The following ANK2 variants were observed in gnomAD, a reference collection of about 807,000 sequenced individuals.
ANK2 encodes ankyrin-2.
In ANK2, 83 loss-of-function variants were observed where a neutral mutation model predicts 360.5. The ratio of observed to expected loss-of-function variants is 0.23; its 90% CI spans 0.19 to 0.28. ANK2 has a LOEUF of 0.28. ANK2 is among the 10% of genes least tolerant of loss of function. The pLI, the probability that ANK2 is intolerant of heterozygous loss-of-function variation, is 1.00. For synonymous variants in ANK2, 1,740 were observed against 1,759.5 expected (o/e 0.99, Z 0.28); for missense variants, 4,201 against 4,795.7 (o/e 0.88, Z 3.66).
chr4:113,204,598 C>T (rs1266172086), intron 4 of ANK2, among the ~76,000 whole-genome samples: 1 of 152,094 alleles, frequency 6.6e-6, no homozygotes, highest in African/African-American at 2.4e-5. Context: ...TCATTTTGGA[C>T]ATGGAAAAAT....
intron 39 of ANK2, among the ~76,000 whole-genome samples, chr4:113,361,961 C>T (rs2096252483): frequency 6.6e-6 from 1 of 152,154 alleles, no homozygotes; most frequent in Non-Finnish European, 1.5e-5. Flanking sequence ...CTCACACCTA[C>T]TTCTATCTTC....
the ANK2 span, among the ~76,000 whole-genome samples, chr4:112,741,597 G>A: frequency 2.6e-5 from 4 of 152,110 alleles, no homozygotes; most frequent in Non-Finnish European, 5.9e-5. Flanking sequence ...ATTTTGTTTT[G>A]GGTATAACTA....
At chr4:113,201,297 AC>A (rs1562844021) in intron 4 of ANK2, among the ~76,000 whole-genome samples, 1 of 151,992 alleles carries the variant, frequency 6.6e-6, no homozygotes, top group African/African-American at 2.4e-5. Context: ...GCTTGTTGAA[AC>A]CCATGTTTCT....
At chr4:113,000,397 CT>C (rs1291266149) in intron 2 of ANK2, among the ~76,000 whole-genome samples, 1 of 152,190 alleles carries the variant, frequency 6.6e-6, no homozygotes, top group Non-Finnish European at 1.5e-5. Context: ...GCAGAGAACT[CT>C]TCCTGCATCT....
chr4:113,155,897 A>G (rs1283510670), intron 1 of ANK2, among the ~76,000 whole-genome samples: 1 of 152,058 alleles, frequency 6.6e-6, no homozygotes, highest in Non-Finnish European at 1.5e-5. Context: ...GGCAAATGAA[A>G]ACCACAATGA....
At chr4:113,151,113 A>C in intron 1 of ANK2, 1 of 1,289,174 alleles carries the variant, frequency 7.8e-7, no homozygotes, top group South Asian at 1.2e-5. Flanking sequence ...AGAGGCCGCC[A>C]ACATTGAAAA....
the ANK2 span, among the ~76,000 whole-genome samples, chr4:112,785,058 T>G: frequency 6.6e-6 from 1 of 152,150 alleles, no homozygotes; most frequent in African/African-American, 2.4e-5. Context: ...TTATAATATA[T>G]TATAGCAAGT....
At position 113,199,102 on chromosome 4, in the gene ANK2, A is replaced by G. The variant is rs770384149; in HGVS notation, c.377A>G (p.Gln126Arg). ...LVKEGANINA[Q>R]SQNGFTPLYM... ...AAGGAAGGAGCCAATATTAATGCAC[A>G]GTCTCAGGTATTCCATTCAGATTTT... is the stretch of plus-strand genomic sequence containing the variant. Residue 126 changes from glutamine to arginine, a missense_variant, in exon 4 of 46, where the codon CAG becomes CGG. This residue lies in a region of ANK2 where 169 missense variants were observed against 191.1 expected (regional missense o/e 0.88). Coordinates refer to ENST00000357077, the MANE Select transcript of ANK2 (RefSeq NM_001148.6). 1 of 1,607,244 alleles carries G rather than the reference A, an allele frequency of 6.2e-7. No individual in the cohort carries two copies. The highest frequency in any genetic ancestry group is 1.1e-5 in the South Asian group (1 of 90,940).
At chr4:112,747,286 A>G in the ANK2 span, among the ~76,000 whole-genome samples, 209 of 152,354 alleles carry the variant, frequency 1.4e-3, 4 homozygotes, top group East Asian at 0.039. Context: ...ACTAATAAGG[A>G]ACAAACACAT....
intron 24 of ANK2, among the ~76,000 whole-genome samples, chr4:113,312,899 C>T (rs528358838): frequency 6.6e-6 from 1 of 152,244 alleles, no homozygotes; most frequent in Non-Finnish European, 1.5e-5. Context: ...AGCAATTGTT[C>T]GTGTATTAAC....
At chr4:112,989,514 C>T (rs1317085611) in intron 2 of ANK2, among the ~76,000 whole-genome samples, 1 of 152,198 alleles carries the variant, frequency 6.6e-6, no homozygotes, top group Non-Finnish European at 1.5e-5. Context: ...GTGCCTCTGA[C>T]AGGTGCAGCA....
rs59333075 is a variant in ANK2, at chr4:113,002,025, T to TATTA, written c.21+97511_21+97512insATTA. ...TCTTTTATTTATTTATTTATTTATT[T>TATTA]TTATTATTATTATTTTACTTTAAGT... On this transcript the variant is annotated intron_variant, in intron 2 of 30. Coordinates refer to the ANK2 transcript ENST00000503271. 4.8e-5 allele frequency among the ~76,000 whole-genome samples: 7 copies of TATTA among 146,462 alleles called. No individual in the cohort carries two copies. The East Asian group carries it at 1.1e-3, about 22-fold the overall frequency.
At position 113,249,644 on chromosome 4, in the gene ANK2, ATTAC is replaced by A. The variant is rs565269487; in HGVS notation, c.892-116_892-113del. 1,890 of 894,304 alleles carry A rather than the reference ATTAC, an allele frequency of 2.1e-3. 6 individuals are homozygous for A. The highest frequency in any genetic ancestry group is 0.011 in the Middle Eastern group (47 of 4,372). The allele number at this position is 894,304 out of a possible 1,614,324, so 55.4% of individuals were successfully genotyped here. On this transcript the variant is annotated intron_variant, in intron 9 of 45. Transcript: ENST00000357077. Reference sequence around the variant, plus strand: ...TGGTTATTTAACAAATTGCAGTTCTATTACTTATTTATTGAGTAATCAGGATTGA... The same window carrying A: ...TGGTTATTTAACAAATTGCAGTTCTATTATTTATTGAGTAATCAGGATTGA...
chr4:112,762,801 C>T, the ANK2 span, among the ~76,000 whole-genome samples: 2 of 152,224 alleles, frequency 1.3e-5, no homozygotes, highest in African/African-American at 2.4e-5. Flanking sequence ...TGAGCCACTG[C>T]GCCCGGCTTC....
chr4:113,015,027 T>G, intron 2 of ANK2, among the ~76,000 whole-genome samples: 1 of 151,446 alleles, frequency 6.6e-6, no homozygotes, highest in Non-Finnish European at 1.5e-5. Flanking sequence ...CCCGGCTAAT[T>G]TTTTGTATTT....
chr4:113,100,857 GA>G (rs2092712388), intron 1 of ANK2, among the ~76,000 whole-genome samples: 1 of 152,092 alleles, frequency 6.6e-6, no homozygotes. Flanking sequence ...GCTAAGTGAA[GA>G]AACAAGCCCT....
chr4:113,116,800 A>G (rs973515649), intron 1 of ANK2, among the ~76,000 whole-genome samples: 1 of 151,644 alleles, frequency 6.6e-6, no homozygotes, highest in Admixed American at 6.6e-5. Flanking sequence ...TAAACTACCC[A>G]CCCCCTAGCA....
chr4:113,033,003 C>T (rs114033301), intron 2 of ANK2, among the ~76,000 whole-genome samples: 77 of 152,134 alleles, frequency 5.1e-4, no homozygotes, highest in African/African-American at 1.5e-3. Flanking sequence ...AAAGCATGTG[C>T]GTCCATGTGG....
At chr4:112,755,566 G>C in the ANK2 span, among the ~76,000 whole-genome samples, 1 of 152,062 alleles carries the variant, frequency 6.6e-6, no homozygotes, top group Non-Finnish European at 1.5e-5. Flanking sequence ...AGGGTGGGGA[G>C]AATTATAAAG....
Sources: gnomAD v4.1 joint callset for allele counts (sites outside exome capture counted in the v4.1 genomes callset) on GRCh38, gnomAD v4.1.1 for gene constraint, gnomAD v4.1.1 regional missense constraint, MANE v1.5 for transcripts, NCBI Gene and HGNC (gene_info 2026-07-23, HGNC 2026-07-21) for gene names.